Variants in CCDC148 observed in about 807,000 individuals in gnomAD.
The protein encoded by CCDC148 is coiled-coil domain containing 148, also known as coiled-coil domain-containing protein 148.
CCDC148 carries 89 observed loss-of-function variants against 85.7 expected under a neutral mutation model. That is an observed-to-expected ratio of 1.04 (90% CI 0.87 to 1.24). The LOEUF is 1.24. Ranked by LOEUF, CCDC148 falls within the 50% of genes most tolerant of loss-of-function variation. The pLI is 0.00. For synonymous variants in CCDC148, 230 were observed against 213.9 expected, an observed-to-expected ratio of 1.08 and a Z score of -0.66; for missense variants, 692 against 671.7, an observed-to-expected ratio of 1.03 and a Z score of -0.33.
chr2:158,349,394 G>A (rs1331953498), intron 2 of CCDC148, among the ~76,000 whole-genome samples: 3 of 151,884 alleles, frequency 2.0e-5, no homozygotes, highest in Admixed American at 1.3e-4. Flanking sequence ...GAATGTGTTA[G>A]CTATGTAATA....
At chr2:158,361,495 C>A (rs1406291579) in intron 1 of CCDC148, among the ~76,000 whole-genome samples, 2 of 152,248 alleles carry the variant, frequency 1.3e-5, no homozygotes, top group African/African-American at 4.8e-5. Context: ...ACCCTACAAG[C>A]CAGAATACAG....
intron 10 of CCDC148, among the ~76,000 whole-genome samples, chr2:158,223,118 C>T (rs549551134): frequency 6.6e-6 from 1 of 152,302 alleles, no homozygotes; most frequent in South Asian, 2.1e-4. Flanking sequence ...CACTCCCACG[C>T]TAATACTGCG....
intron 1 of CCDC148, among the ~76,000 whole-genome samples, chr2:158,411,226 A>G (rs1410943321): frequency 6.6e-6 from 1 of 152,252 alleles, no homozygotes; most frequent in East Asian, 1.9e-4. Flanking sequence ...TCTATTTCCT[A>G]TCCCAGATTT....
In CCDC148 at chr2:158,351,774, A is replaced by G. The variant is rs376403533; in HGVS notation, c.148-6456T>C. Among the ~76,000 whole-genome samples, 140 of 151,750 alleles carry G rather than the reference A, an allele frequency of 9.2e-4. 1 individual carries two copies. The East Asian group carries it at 0.019, about 21-fold the overall frequency. Reference sequence around the variant, plus strand: ...CTGTAGGCTCCACCTCTGGGGGCAGAGCACAGACAAACAAAAAGACAGCAG... The same window carrying G: ...CTGTAGGCTCCACCTCTGGGGGCAGGGCACAGACAAACAAAAAGACAGCAG... On this transcript the variant is annotated intron_variant, in intron 2 of 13. Transcript: ENST00000283233.
intron 11 of CCDC148, among the ~76,000 whole-genome samples, chr2:158,199,114 T>C (rs1685821956): frequency 6.6e-6 from 1 of 152,122 alleles, no homozygotes; most frequent in Non-Finnish European, 1.5e-5. Context: ...AGAAAACATG[T>C]CTTGGTTTAT....
chr2:158,302,187 G>C (rs1017200707), intron 9 of CCDC148, among the ~76,000 whole-genome samples: 8 of 152,182 alleles, frequency 5.3e-5, no homozygotes, highest in South Asian at 2.1e-4. Flanking sequence ...CACCTGGCAA[G>C]AGACAGAAAG....
At chr2:158,432,685 T>C (rs192262783) in intron 1 of CCDC148, among the ~76,000 whole-genome samples, 108 of 152,204 alleles carry the variant, frequency 7.1e-4, no homozygotes, top group Non-Finnish European at 1.2e-3. Flanking sequence ...ATCAATCCAA[T>C]ACAAACTCTT....
rs1682927534 is a variant in CCDC148, at chr2:158,345,122, G to A, written c.251+93C>T. ...GTAACTTTAAATTTTTATTATAATGGTTAATTAACATGGAACATTATAGAA... is the reference window on the plus strand; with the variant it reads ...GTAACTTTAAATTTTTATTATAATGATTAATTAACATGGAACATTATAGAA... On this transcript the variant is annotated intron_variant, in intron 3 of 13. Transcript: ENST00000283233. The A allele has an allele frequency of 2.7e-5, 21 of 785,758 alleles. No homozygotes were observed. In the East Asian group the frequency reaches 4.4e-4, roughly 16 times the overall value. 48.7% of individuals were successfully genotyped at this position (785,758 alleles called of 1,614,324 possible).
At chr2:158,351,388 C>G (rs1009522722) in intron 2 of CCDC148, among the ~76,000 whole-genome samples, 3 of 152,260 alleles carry the variant, frequency 2.0e-5, no homozygotes, top group East Asian at 3.9e-4. Context: ...GCAACGTGCG[C>G]GAGCCGAAGC....
At position 158,224,338 on chromosome 2, in the gene CCDC148, A is replaced by T. The variant is rs541829735; in HGVS notation, c.1252-3625T>A. On this transcript the variant is annotated intron_variant, in intron 10 of 13. Transcript: ENST00000283233. ...TGTGAAAAGACCAAATCTACATCTG[A>T]TTGGTGTACCTGAAAGTGATGGGGA... Among the ~76,000 whole-genome samples, 3 of 152,380 alleles carry T rather than the reference A, an allele frequency of 2.0e-5. 1 individual carries two copies. The highest frequency in any genetic ancestry group is 7.2e-5 in the African/African-American group (3 of 41,600).
At chr2:158,341,945 G>T (rs1268591472) in intron 3 of CCDC148, among the ~76,000 whole-genome samples, 2 of 123,676 alleles carry the variant, frequency 1.6e-5, no homozygotes, top group African/African-American at 3.0e-5. Context: ...TTTTTTTTTA[G>T]ATATTTCTAA....
intron 1 of CCDC148, among the ~76,000 whole-genome samples, chr2:158,434,122 T>C (rs535298051): frequency 3.9e-5 from 6 of 152,226 alleles, no homozygotes; most frequent in Admixed American, 6.5e-5. Context: ...AAGAGAGTAG[T>C]GGTTCTCCCA....
chr2:158,318,538 T>C (rs933157122), intron 7 of CCDC148, among the ~76,000 whole-genome samples: 9 of 152,202 alleles, frequency 5.9e-5, no homozygotes, highest in African/African-American at 1.9e-4. Context: ...GAGATTTATT[T>C]GGAAGTTGCA....
intron 1 of CCDC148, among the ~76,000 whole-genome samples, chr2:158,440,688 C>T (rs1317904674): frequency 6.6e-6 from 1 of 152,156 alleles, no homozygotes; most frequent in African/African-American, 2.4e-5. Context: ...TAAATGTGGT[C>T]TCTCTTTCAA....
At chr2:158,221,385 T>C (rs965564403) in intron 10 of CCDC148, among the ~76,000 whole-genome samples, 2 of 152,204 alleles carry the variant, frequency 1.3e-5, no homozygotes, top group Admixed American at 6.5e-5. Context: ...CAGAGGTACA[T>C]ATGAGCTATT....
chr2:158,210,052 C>CT (rs1348084683), intron 11 of CCDC148, among the ~76,000 whole-genome samples: 5 of 152,066 alleles, frequency 3.3e-5, no homozygotes, highest in Non-Finnish European at 7.4e-5. Flanking sequence ...TTGGTGTGCT[C>CT]TATTCAAGAG....
intron 1 of CCDC148, among the ~76,000 whole-genome samples, chr2:158,389,710 T>C (rs1247260495): frequency 1.3e-5 from 2 of 152,218 alleles, no homozygotes; most frequent in Non-Finnish European, 2.9e-5. Context: ...TTGTAATTAT[T>C]TTCTCATGAT....
chr2:158,263,596 T>C (rs1363063639), intron 9 of CCDC148, among the ~76,000 whole-genome samples: 5 of 152,006 alleles, frequency 3.3e-5, no homozygotes, highest in Non-Finnish European at 7.4e-5. Flanking sequence ...CTTTAAAAAG[T>C]TGAGACATCT....
intron 7 of CCDC148, among the ~76,000 whole-genome samples, chr2:158,335,771 G>A (rs575586523): frequency 1.3e-5 from 2 of 152,184 alleles, no homozygotes; most frequent in Non-Finnish European, 1.5e-5. Context: ...ATATCAGCAT[G>A]TGATGTATAT....
Sources: gnomAD v4.1 joint callset for allele counts (sites outside exome capture counted in the v4.1 genomes callset) on GRCh38, gnomAD v4.1.1 for gene constraint, MANE v1.5 for transcripts, NCBI Gene and HGNC (gene_info 2026-07-23, HGNC 2026-07-21) for gene names.